SYT9: variants seen among roughly 807,000 people sequenced by gnomAD.
SYT9 encodes the protein synaptotagmin-9.
In SYT9, 22 loss-of-function variants were observed where a neutral mutation model predicts 48.4. The ratio of observed to expected loss-of-function variants is 0.45; its 90% CI spans 0.32 to 0.65. The LOEUF is 0.65. Ranked by LOEUF, SYT9 falls within the 30% of genes least tolerant of loss-of-function variation. The pLI is 0.03. For missense variants in SYT9, 577 were observed against 622.0 expected, an observed-to-expected ratio of 0.93 and a Z score of 0.77; for synonymous variants, 265 against 245.0, an observed-to-expected ratio of 1.08 and a Z score of -0.76.
intron 1 of SYT9, among the ~76,000 whole-genome samples, chr11:7,245,541 A>AC (rs1847782330): frequency 6.6e-6 from 1 of 151,966 alleles, no homozygotes. Context: ...CAGAAGCATT[A>AC]CCCAGTGTCT....
intron 3 of SYT9, among the ~76,000 whole-genome samples, chr11:7,363,302 T>C (rs1311970581): frequency 6.6e-6 from 1 of 152,206 alleles, no homozygotes; most frequent in Non-Finnish European, 1.5e-5. Flanking sequence ...TCCAATTAAA[T>C]TGAGTACTTT....
intron 1 of SYT9, among the ~76,000 whole-genome samples, chr11:7,257,394 A>T (rs1811845697): frequency 6.6e-6 from 1 of 152,134 alleles, no homozygotes; most frequent in South Asian, 2.1e-4. Flanking sequence ...AAAACAAACA[A>T]ATCAAGAAAA....
At chr11:7,417,214 C>T (rs1847269580) in intron 4 of SYT9, among the ~76,000 whole-genome samples, 1 of 151,948 alleles carries the variant, frequency 6.6e-6, no homozygotes, top group Non-Finnish European at 1.5e-5. Context: ...CTCTGGTCAT[C>T]TAAGTCCCTA....
intron 1 of SYT9, among the ~76,000 whole-genome samples, chr11:7,246,684 C>G (rs1847796936): frequency 6.6e-6 from 1 of 152,198 alleles, no homozygotes; most frequent in Non-Finnish European, 1.5e-5. Flanking sequence ...TGCTCCCAAA[C>G]TCTATGACTT....
At chr11:7,254,906 A>G (rs936721924) in intron 1 of SYT9, among the ~76,000 whole-genome samples, 2 of 152,170 alleles carry the variant, frequency 1.3e-5, no homozygotes, top group African/African-American at 4.8e-5. Context: ...GAGCCATCAG[A>G]AAGGTTCTTT....
At chr11:7,269,153 A>G (rs151057694) in intron 1 of SYT9, among the ~76,000 whole-genome samples, 368 of 151,898 alleles carry the variant, frequency 2.4e-3, no homozygotes, top group African/African-American at 8.5e-3. Context: ...GCTTTTTTCC[A>G]ATTTTGTGCT....
intron 3 of SYT9, among the ~76,000 whole-genome samples, chr11:7,369,472 CTTTAG>C (rs1285787298): frequency 1.3e-5 from 2 of 152,028 alleles, no homozygotes; most frequent in African/African-American, 4.8e-5. Flanking sequence ...TGTAAAAGCT[CTTTAG>C]TTTAATTATA....
intron 3 of SYT9, among the ~76,000 whole-genome samples, chr11:7,406,579 T>C (rs1847020555): frequency 6.7e-6 from 1 of 149,466 alleles, no homozygotes; most frequent in African/African-American, 2.5e-5. Flanking sequence ...GCACATTTTC[T>C]TTATTAATTT....
intron 3 of SYT9, among the ~76,000 whole-genome samples, chr11:7,327,929 G>T (rs1432524914): frequency 2.1e-5 from 2 of 96,646 alleles, no homozygotes; most frequent in African/African-American, 8.0e-5. Context: ...TGGTGGGGAG[G>T]GGGGAGGGGG....
chr11:7,316,291 G>A (rs1039242640), intron 3 of SYT9, among the ~76,000 whole-genome samples: 2 of 151,986 alleles, frequency 1.3e-5, no homozygotes, highest in Non-Finnish European at 2.9e-5. Flanking sequence ...GTCCTGCCAA[G>A]AGAAAACCAC....
chr11:7,346,569 G>C (rs575142420), intron 3 of SYT9, among the ~76,000 whole-genome samples: 1 of 152,342 alleles, frequency 6.6e-6, no homozygotes, highest in East Asian at 1.9e-4. Context: ...TGTGTACTGA[G>C]CATATGGAAG....
intron 1 of SYT9, among the ~76,000 whole-genome samples, chr11:7,255,275 A>G (rs140236473): frequency 6.6e-6 from 1 of 152,210 alleles, no homozygotes; most frequent in Non-Finnish European, 1.5e-5. Context: ...TGATTCTAGA[A>G]ATGGTGACTT....
intron 3 of SYT9, among the ~76,000 whole-genome samples, chr11:7,317,128 C>A (rs867118133): frequency 6.6e-6 from 1 of 152,166 alleles, no homozygotes; most frequent in African/African-American, 2.4e-5. Context: ...TCAGGATTTT[C>A]TGTTGTAAAT....
At chr11:7,378,426 GCTC>G (rs754168913) in intron 3 of SYT9, among the ~76,000 whole-genome samples, 2 of 152,032 alleles carry the variant, frequency 1.3e-5, no homozygotes, top group Non-Finnish European at 2.9e-5. Flanking sequence ...GAGGTAAATT[GCTC>G]CTGAGTAATC....
At chr11:7,376,852 T>G (rs1208147000) in intron 3 of SYT9, among the ~76,000 whole-genome samples, 1 of 151,888 alleles carries the variant, frequency 6.6e-6, no homozygotes, top group African/African-American at 2.4e-5. Flanking sequence ...TCCAGACTGA[T>G]TTTTGACACT....
chr11:7,359,613 AT>A (rs1266441019), intron 3 of SYT9, among the ~76,000 whole-genome samples: 2 of 111,832 alleles, frequency 1.8e-5, no homozygotes, highest in African/African-American at 6.0e-5. Context: ...GATGGTGAGC[AT>A]TTTTTCATGT....
intron 6 of SYT9, chr11:7,453,857 G>A (rs572950404): frequency 6.5e-6 from 2 of 305,876 alleles, no homozygotes; most frequent in East Asian, 3.4e-4. Flanking sequence ...TAGGAGAGGA[G>A]GCCGAAAGGG....
intron 3 of SYT9, among the ~76,000 whole-genome samples, chr11:7,332,387 G>T (rs1159626180): frequency 6.6e-6 from 1 of 152,232 alleles, no homozygotes; most frequent in Non-Finnish European, 1.5e-5. Flanking sequence ...GCCATGAACT[G>T]TTCGCAGCCA....
chr11:7,349,420 T>C (rs970199973), intron 3 of SYT9, among the ~76,000 whole-genome samples: 2 of 100,094 alleles, frequency 2.0e-5, no homozygotes, highest in African/African-American at 3.2e-5. Context: ...ATGAAAACTC[T>C]CTACCAGAGT....
Sources: allele counts gnomAD v4.1 joint callset (sites outside exome capture counted in the v4.1 genomes callset), GRCh38; gene constraint gnomAD v4.1.1; transcripts MANE v1.5; gene names NCBI Gene and HGNC (gene_info 2026-07-23, HGNC 2026-07-21).